NKAIN2: variants seen among roughly 807,000 people sequenced by gnomAD.
The protein encoded by NKAIN2 is sodium/potassium-transporting ATPase subunit beta-1-interacting protein 2.
Under a neutral mutation model 32.6 loss-of-function variants are expected in NKAIN2, and 14 were observed. The observed-to-expected ratio is 0.43, with a 90% CI of 0.28 to 0.67. The LOEUF is 0.67. NKAIN2 is among the 30% of genes least tolerant of loss of function. The pLI is 0.17. For synonymous variants in NKAIN2, 80 were observed against 87.2 expected (o/e 0.92, Z 0.46); for missense variants, 198 against 258.3 (o/e 0.77, Z 1.60).
chr6:124,470,435 AAGACT>A (rs139835318), intron 3 of NKAIN2, among the ~76,000 whole-genome samples: 103 of 152,294 alleles, frequency 6.8e-4, no homozygotes, highest in Non-Finnish European at 1.3e-3. Flanking sequence ...GGCTTTGCAG[AAGACT>A]AGACAAGATG....
In NKAIN2 at chr6:124,792,379, C is replaced by T. The variant is rs753829184; in HGVS notation, c.535+980C>T. Among the ~76,000 whole-genome samples the T allele has an allele frequency of 6.2e-4, 94 of 152,008 alleles. 2 individuals are homozygous for T. The highest frequency in any genetic ancestry group is 1.2e-3 in the Non-Finnish European group (80 of 67,988). ...TAATGTAGAAGAGGCACTTTTCAAT[C>T]GTACTCATACATGATCTAAAATCAG... is the stretch of plus-strand genomic sequence containing the variant. On this transcript the variant is annotated intron_variant, in intron 5 of 6. Coordinates refer to ENST00000368417, the MANE Select transcript of NKAIN2 (RefSeq NM_001040214.3).
chr6:124,233,718 G>T (rs1036134817), intron 1 of NKAIN2, among the ~76,000 whole-genome samples: 1 of 152,056 alleles, frequency 6.6e-6, no homozygotes, highest in Non-Finnish European at 1.5e-5. Flanking sequence ...ATTTTTATGT[G>T]ATGTCTACTA....
chr6:124,817,258 T>C (rs1781206382), intron 5 of NKAIN2, among the ~76,000 whole-genome samples: 1 of 152,104 alleles, frequency 6.6e-6, no homozygotes. Context: ...TTTTTTTGGC[T>C]CACCAGCTAT....
chr6:124,110,222 T>A (rs1785317834), intron 1 of NKAIN2, among the ~76,000 whole-genome samples: 1 of 151,850 alleles, frequency 6.6e-6, no homozygotes, highest in Non-Finnish European at 1.5e-5. Context: ...TAAAGATAAT[T>A]TGACACAGGC....
chr6:124,234,404 G>A (rs1266449699), intron 1 of NKAIN2, among the ~76,000 whole-genome samples: 1 of 152,144 alleles, frequency 6.6e-6, no homozygotes, highest in African/African-American at 2.4e-5. Flanking sequence ...GTGGTGTCCA[G>A]TAGGGAGAAA....
In NKAIN2 at chr6:123,984,187, G is replaced by A. The variant is rs6903368; in HGVS notation, c.54+179933G>A. On this transcript the variant is annotated intron_variant, in intron 1 of 6. Coordinates refer to ENST00000368417, the MANE Select transcript of NKAIN2 (RefSeq NM_001040214.3). ...CTCCCAAAGTTCTGGGATTACAGGC[G>A]TGAGTCACCGCGCCCGGCCAGACTC... Among the ~76,000 whole-genome samples the A allele has an allele frequency of 4.3e-3, 662 of 152,242 alleles. 4 individuals are homozygous for A. The Middle Eastern group carries it at 0.051, about 12-fold the overall frequency.
intron 1 of NKAIN2, among the ~76,000 whole-genome samples, chr6:124,024,261 C>T (rs919676586): frequency 2.6e-5 from 4 of 152,074 alleles, no homozygotes; most frequent in African/African-American, 9.7e-5. Context: ...ATCAGGTTAG[C>T]CCTCAGAATG....
chr6:124,619,667 A>G (rs999059813), intron 3 of NKAIN2, among the ~76,000 whole-genome samples: 7 of 152,212 alleles, frequency 4.6e-5, no homozygotes, highest in African/African-American at 1.7e-4. Flanking sequence ...GATCATGACA[A>G]ATGATTTGGC....
chr6:124,320,043 T>A (rs1797111257), intron 2 of NKAIN2, among the ~76,000 whole-genome samples: 1 of 152,168 alleles, frequency 6.6e-6, no homozygotes. Context: ...ATCTGGCTTG[T>A]GGTCCTCCTG....
At chr6:123,976,312 CAT>C (rs1379603157) in intron 1 of NKAIN2, among the ~76,000 whole-genome samples, 2 of 32,854 alleles carry the variant, frequency 6.1e-5, no homozygotes, top group African/African-American at 9.9e-5. Context: ...TATATGTTTC[CAT>C]ATATATATAT....
intron 1 of NKAIN2, among the ~76,000 whole-genome samples, chr6:124,272,838 CA>C (rs1794858517): frequency 6.6e-6 from 1 of 152,248 alleles, no homozygotes; most frequent in African/African-American, 2.4e-5. Context: ...GGCATGGAGT[CA>C]AAAAATATCA....
chr6:123,807,938 CTTAA>C (rs903837221), intron 1 of NKAIN2, among the ~76,000 whole-genome samples: 8 of 152,080 alleles, frequency 5.3e-5, no homozygotes, highest in African/African-American at 1.7e-4. Flanking sequence ...ACATTTGAAA[CTTAA>C]TTAAGAATGA....
At chr6:124,102,668 T>G (rs1430242299) in intron 1 of NKAIN2, among the ~76,000 whole-genome samples, 1 of 152,204 alleles carries the variant, frequency 6.6e-6, no homozygotes, top group Non-Finnish European at 1.5e-5. Context: ...TGTCCTCTTT[T>G]GTGAATGTAT....
chr6:124,459,725 A>G (rs1318803212), intron 3 of NKAIN2, among the ~76,000 whole-genome samples: 1 of 151,804 alleles, frequency 6.6e-6, no homozygotes, highest in Non-Finnish European at 1.5e-5. Flanking sequence ...TGTTGGTATA[A>G]TATAACTATA....
chr6:124,726,857 C>A (rs1475801523), intron 4 of NKAIN2, among the ~76,000 whole-genome samples: 1 of 123,960 alleles, frequency 8.1e-6, no homozygotes, highest in African/African-American at 3.1e-5. Context: ...CAGAGAAGTG[C>A]TTAAAGGAGC....
chr6:124,032,287 G>A (rs1005671333), intron 1 of NKAIN2, among the ~76,000 whole-genome samples: 1 of 149,628 alleles, frequency 6.7e-6, no homozygotes, highest in Admixed American at 6.7e-5. Flanking sequence ...GGGAGGGATA[G>A]CATTAGGAGA....
intron 3 of NKAIN2, among the ~76,000 whole-genome samples, chr6:124,400,618 A>G (rs1033657014): frequency 2.0e-5 from 3 of 152,194 alleles, no homozygotes; most frequent in South Asian, 2.1e-4. Context: ...CATTATATCA[A>G]TATTCCTATT....
At chr6:124,288,026 T>G (rs1795640986) in intron 2 of NKAIN2, among the ~76,000 whole-genome samples, 1 of 152,064 alleles carries the variant, frequency 6.6e-6, no homozygotes, top group South Asian at 2.1e-4. Context: ...AAAAAAAAAG[T>G]TTCAAAATAG....
At chr6:124,209,539 A>G (rs1562423761) in intron 1 of NKAIN2, among the ~76,000 whole-genome samples, 1 of 151,820 alleles carries the variant, frequency 6.6e-6, no homozygotes, top group Non-Finnish European at 1.5e-5. Flanking sequence ...TGTTCTCCAT[A>G]GTGACTATAC....
Sources: allele counts gnomAD v4.1 joint callset (sites outside exome capture counted in the v4.1 genomes callset), GRCh38; gene constraint gnomAD v4.1.1; transcripts MANE v1.5; gene names NCBI Gene and HGNC (gene_info 2026-07-23, HGNC 2026-07-21).